Variants in HIKESHI observed in about 807,000 individuals in gnomAD.
HIKESHI encodes the protein protein Hikeshi.
HIKESHI carries 13 observed loss-of-function variants against 25.7 expected under a neutral mutation model. The observed-to-expected ratio is 0.51, with a 90% CI of 0.33 to 0.80. The LOEUF (loss-of-function observed/expected upper bound fraction) is 0.80. Ranked by LOEUF, HIKESHI falls within the 30% of genes least tolerant of loss-of-function variation. HIKESHI has a pLI of 0.02. For missense variants in HIKESHI, 174 were observed against 229.5 expected, an observed-to-expected ratio of 0.76 and a Z score of 1.56; for synonymous variants, 76 against 78.7, an observed-to-expected ratio of 0.97 and a Z score of 0.18.
At chr11:86,336,121 A>G (rs1329831473) in intron 2 of HIKESHI, among the ~76,000 whole-genome samples, 1 of 152,254 alleles carries the variant, frequency 6.6e-6, no homozygotes, top group African/African-American at 2.4e-5. Flanking sequence ...TAAAGGGCTT[A>G]GATAGCAGAA....
intron 4 of HIKESHI, chr11:86,345,101 T>TATCTATAGATACTCAAAGAA (rs1947838130): frequency 1.9e-6 from 2 of 1,074,082 alleles, no homozygotes; most frequent in African/African-American, 3.3e-5. Context: ...TAGATATTTC[T>TATCTATAGATACTCAAAGAA]TTTCACTTTG....
chr11:86,330,056 CT>C (rs1374209664), intron 2 of HIKESHI, among the ~76,000 whole-genome samples: 1 of 151,714 alleles, frequency 6.6e-6, no homozygotes, highest in African/African-American at 2.4e-5. Flanking sequence ...TTTTTCTCCC[CT>C]TTTTTGGCAT....
chr11:86,308,947 A>G (rs1183974786), intron 2 of HIKESHI, among the ~76,000 whole-genome samples: 1 of 151,904 alleles, frequency 6.6e-6, no homozygotes, highest in Non-Finnish European at 1.5e-5. Flanking sequence ...TATGTGCCAT[A>G]TTTTCTTAAT....
chr11:86,342,487 G>GTC (rs1947758941), intron 3 of HIKESHI, among the ~76,000 whole-genome samples: 1 of 12,592 alleles, frequency 7.9e-5, no homozygotes, highest in Non-Finnish European at 1.2e-4. Flanking sequence ...TCGTGTGTGT[G>GTC]TGTGTGTGTG....
chr11:86,318,616 C>A (rs1271933309), intron 2 of HIKESHI, among the ~76,000 whole-genome samples: 1 of 151,518 alleles, frequency 6.6e-6, no homozygotes, highest in East Asian at 1.9e-4. Context: ...TTATCTAGTA[C>A]CTTAAATAGT....
Position 86,337,539 on chromosome 11 carries a change from A to G in HIKESHI, c.420+9A>G, listed in dbSNP as rs772838207. Reference sequence around the variant, plus strand: ...TTGACTCATTCACTCAGGTAATGCAACATACATTTCATTCTTTACCTCCCC... The same window carrying G: ...TTGACTCATTCACTCAGGTAATGCAGCATACATTTCATTCTTTACCTCCCC... On this transcript the variant is annotated intron_variant, in intron 3 of 4. Transcript: ENST00000278483. The G allele has an allele frequency of 1.1e-5, 18 of 1,608,260 alleles. No homozygotes were observed. The Admixed American group carries it at 3.1e-4, about 27-fold the overall frequency.
intron 3 of HIKESHI, among the ~76,000 whole-genome samples, chr11:86,339,560 C>T (rs1219501156): frequency 6.6e-6 from 1 of 152,206 alleles, no homozygotes; most frequent in Non-Finnish European, 1.5e-5. Context: ...GCCTGCTTCT[C>T]TTCCTGCCTT....
chr11:86,330,517 C>T (rs1947395156), intron 2 of HIKESHI, among the ~76,000 whole-genome samples: 2 of 152,166 alleles, frequency 1.3e-5, no homozygotes, highest in Non-Finnish European at 1.5e-5. Flanking sequence ...TTTGCACATC[C>T]TTCAGAGTTG....
intron 2 of HIKESHI, chr11:86,324,055 C>T (rs1202345902): frequency 6.6e-6 from 1 of 152,022 alleles, no homozygotes; most frequent in Non-Finnish European, 1.5e-5. Context: ...AGTGCAGTGG[C>T]TATATACAGA....
intron 2 of HIKESHI, among the ~76,000 whole-genome samples, chr11:86,312,551 C>T (rs1013806508): frequency 6.6e-6 from 1 of 152,174 alleles, no homozygotes; most frequent in African/African-American, 2.4e-5. Context: ...GCATTTAGCC[C>T]ATTTACATTT....
chr11:86,342,593 G>A (rs1947763673), intron 3 of HIKESHI, among the ~76,000 whole-genome samples: 1 of 151,668 alleles, frequency 6.6e-6, no homozygotes, highest in African/African-American at 2.4e-5. Context: ...CTAAGATGTT[G>A]TCTTTCAGTT....
Position 86,326,735 on chromosome 11 carries a change from G to A in HIKESHI, c.269-10644G>A, listed in dbSNP as rs115337493. 313 of 335,946 alleles carry A rather than the reference G, an allele frequency of 9.3e-4. 2 individuals carry two copies. Among genetic ancestry groups the A allele is most frequent in the African/African-American group, 6.5e-3 (302 of 46,276 alleles). The allele number at this position is 335,946 out of a possible 1,614,324, so 20.8% of individuals were successfully genotyped here. A position where few individuals can be genotyped will look rare whatever the true frequency, so the allele number is the denominator to read the frequency against. ...GGAATCACACTTGGAGGTGATTAAAGTCATAAAACTAGAAATATGCAGTGC... is the reference window on the plus strand; with the variant it reads ...GGAATCACACTTGGAGGTGATTAAAATCATAAAACTAGAAATATGCAGTGC... On this transcript the variant is annotated intron_variant, in intron 2 of 4. Transcript: ENST00000278483.
chr11:86,321,107 G>T (rs1359175074), intron 2 of HIKESHI, among the ~76,000 whole-genome samples: 1 of 151,938 alleles, frequency 6.6e-6, no homozygotes, highest in Non-Finnish European at 1.5e-5. Context: ...GCTAATTTTT[G>T]TATTTTTAGT....
chr11:86,335,128 G>C (rs925179241), intron 2 of HIKESHI, among the ~76,000 whole-genome samples: 5 of 152,110 alleles, frequency 3.3e-5, no homozygotes, highest in African/African-American at 4.8e-5. Context: ...TCCTGGTACT[G>C]ATATAGGGAG....
At chr11:86,329,452 A>G (rs780528396) in intron 2 of HIKESHI, among the ~76,000 whole-genome samples, 1 of 152,098 alleles carries the variant, frequency 6.6e-6, no homozygotes, top group Non-Finnish European at 1.5e-5. Flanking sequence ...GGTATGATAT[A>G]TATTGAATAT....
chr11:86,308,903 C>A (rs767390386), intron 2 of HIKESHI, among the ~76,000 whole-genome samples: 2 of 152,088 alleles, frequency 1.3e-5, no homozygotes, highest in Non-Finnish European at 2.9e-5. Context: ...ATGAACTCAT[C>A]CTTTTTTACG....
At chr11:86,321,244 C>G (rs1947139571) in intron 2 of HIKESHI, among the ~76,000 whole-genome samples, 1 of 151,896 alleles carries the variant, frequency 6.6e-6, no homozygotes, top group African/African-American at 2.4e-5. Flanking sequence ...GTTTTTTTCA[C>G]TTTTATATGG....
At chr11:86,309,897 T>A (rs1946787530) in intron 2 of HIKESHI, among the ~76,000 whole-genome samples, 1 of 152,198 alleles carries the variant, frequency 6.6e-6, no homozygotes, top group Admixed American at 6.5e-5. Flanking sequence ...GTGGTATTAT[T>A]TCCGAGGGCT....
At chr11:86,320,950 T>C (rs1947132324) in intron 2 of HIKESHI, among the ~76,000 whole-genome samples, 1 of 152,198 alleles carries the variant, frequency 6.6e-6, no homozygotes, top group South Asian at 2.1e-4. Context: ...TTTCACTTTT[T>C]TTGAGACAGA....
Sources: allele counts gnomAD v4.1 joint callset (sites outside exome capture counted in the v4.1 genomes callset), GRCh38; gene constraint gnomAD v4.1.1; transcripts MANE v1.5; gene names NCBI Gene and HGNC (gene_info 2026-07-23, HGNC 2026-07-21).